PAH: variants seen among roughly 807,000 people sequenced by gnomAD.
PAH encodes the protein phenylalanine-4-hydroxylase.
In PAH, 64 loss-of-function variants were observed where a neutral mutation model predicts 62.0. That is an observed-to-expected ratio of 1.03 (90% CI 0.84 to 1.27). The LOEUF is 1.27. PAH is among the 50% of genes most tolerant of loss of function. The probability of loss-of-function intolerance (pLI) is 0.00; values close to 1 mark genes in which losing one functional copy is unlikely to be tolerated. For missense variants in PAH, 579 were observed against 542.8 expected (o/e 1.07, Z -0.66); for synonymous variants, 195 against 196.2 (o/e 0.99, Z 0.05).
intron 1 of PAH, among the ~76,000 whole-genome samples, chr12:102,927,556 A>T (rs1202078569): frequency 6.6e-6 from 1 of 152,168 alleles, no homozygotes; most frequent in East Asian, 1.9e-4. Flanking sequence ...ATGCACAAGT[A>T]TGTTCAGGGC....
chr12:102,898,077 C>T (rs1481938736), intron 2 of PAH, among the ~76,000 whole-genome samples: 3 of 152,228 alleles, frequency 2.0e-5, no homozygotes, highest in Admixed American at 6.5e-5. Flanking sequence ...AAGATTTCAA[C>T]CTGCAGTCAT....
rs5030855 is a variant in PAH at position 102,843,790 on chromosome 12, C to T, written c.1066-11G>A. The T allele has an allele frequency of 3.2e-4, 524 of 1,613,286 alleles. No individual in the cohort carries two copies. Among genetic ancestry groups the T allele is most frequent in the Middle Eastern group, 1.5e-3 (9 of 6,054 alleles). On this transcript the variant is annotated splice_polypyrimidine_tract_variant and intron_variant, in intron 10 of 12. Transcript: ENST00000553106. ...CTCTGATAAGCAGTACTGTAGGCCC[C>T]AAGTGAAAAGTTATTATCACTGTTA... is the stretch of plus-strand genomic sequence containing the variant.
At chr12:102,852,113 G>T in intron 7 of PAH, 1 of 280,514 alleles carries the variant, frequency 3.6e-6, no homozygotes, top group Non-Finnish European at 6.9e-6. Flanking sequence ...TCTTCTCCCT[G>T]GTATTGACTT....
intron 2 of PAH, among the ~76,000 whole-genome samples, chr12:102,901,742 A>G (rs1877769217): frequency 1.3e-5 from 2 of 152,182 alleles, no homozygotes; most frequent in Non-Finnish European, 2.9e-5. Flanking sequence ...GTCCTGGCCT[A>G]TTTCAGAGGT....
At chr12:102,894,239 A>G (rs904647032) in intron 3 of PAH, among the ~76,000 whole-genome samples, 3 of 152,120 alleles carry the variant, frequency 2.0e-5, no homozygotes, top group African/African-American at 7.2e-5. Flanking sequence ...GGTTTTGTTG[A>G]AAATTAGATA....
At chr12:102,890,462 CAA>C (rs770144811) in intron 3 of PAH, among the ~76,000 whole-genome samples, 27 of 152,146 alleles carry the variant, frequency 1.8e-4, no homozygotes, top group Non-Finnish European at 2.9e-4. Flanking sequence ...CACAGAAACC[CAA>C]AGAGTCTTTC....
At chr12:102,935,404 C>T (rs562303333) in intron 1 of PAH, among the ~76,000 whole-genome samples, 12 of 151,940 alleles carry the variant, frequency 7.9e-5, no homozygotes, top group African/African-American at 1.2e-4. Flanking sequence ...TAATAATGGC[C>T]TTGTAGAATG....
At chr12:102,852,659 C>A (rs781342149) in intron 7 of PAH, among the ~76,000 whole-genome samples, 156 bp downstream of exon 7, 23 of 152,142 alleles carry the variant, frequency 1.5e-4, no homozygotes, top group African/African-American at 2.2e-4. Flanking sequence ...TGGAGCAAAT[C>A]TCCAGAATAG....
intron 12 of PAH, 146 bp downstream of exon 12, chr12:102,840,254 C>T: frequency 1.5e-6 from 1 of 648,710 alleles, no homozygotes; most frequent in Non-Finnish European, 2.8e-6. Context: ...TCTTCTCCAT[C>T]AATGAACCCA....
At chr12:102,852,747 C>T (rs1290827125) in intron 7 of PAH, 68 bp downstream of exon 7, 6 of 1,605,392 alleles carry the variant, frequency 3.7e-6, no homozygotes, top group Admixed American at 1.7e-5. Flanking sequence ...ACCCAAACCT[C>T]ATTCTTGCAG....
At chr12:102,888,070 G>A (rs1877113635) in intron 3 of PAH, among the ~76,000 whole-genome samples, 2 of 152,128 alleles carry the variant, frequency 1.3e-5, no homozygotes, top group South Asian at 4.2e-4. Context: ...TTGGGAGTTT[G>A]GACTTGCTCA....
chr12:102,919,047 T>C (rs1878489967), upstream of PAH, among the ~76,000 whole-genome samples: 1 of 152,206 alleles, frequency 6.6e-6, no homozygotes, highest in Non-Finnish European at 1.5e-5. Context: ...TCCACGTGCA[T>C]GGTTTCACTT....
intron 8 of PAH, among the ~76,000 whole-genome samples, chr12:102,850,242 T>G (rs1875085415): frequency 6.6e-6 from 1 of 152,204 alleles, no homozygotes; most frequent in Admixed American, 6.5e-5. Flanking sequence ...CCCGAAACAC[T>G]TCCACTTCCA....
chr12:102,860,363 T>C (rs1315045684), intron 5 of PAH, among the ~76,000 whole-genome samples: 1 of 152,240 alleles, frequency 6.6e-6, no homozygotes, highest in African/African-American at 2.4e-5. Flanking sequence ...GAACATTCCA[T>C]GCTCATGGAC....
At chr12:102,847,572 T>C (rs1874908049) in intron 8 of PAH, among the ~76,000 whole-genome samples, 1 of 152,304 alleles carries the variant, frequency 6.6e-6, no homozygotes, top group Admixed American at 6.5e-5. Flanking sequence ...TGCCAGGCAG[T>C]GTATAAAATC....
At chr12:102,934,399 G>A (rs1300821244) in intron 1 of PAH, among the ~76,000 whole-genome samples, 1 of 149,228 alleles carries the variant, frequency 6.7e-6, no homozygotes, top group Non-Finnish European at 1.5e-5. Context: ...AATAGCTTTG[G>A]ATATTCTGGG....
chr12:102,949,425 C>T (rs920226445), intron 1 of PAH, among the ~76,000 whole-genome samples: 3 of 152,138 alleles, frequency 2.0e-5, no homozygotes, highest in Non-Finnish European at 4.4e-5. Context: ...ATGTGGTCCA[C>T]GCCTGTATTC....
intron 4 of PAH, among the ~76,000 whole-genome samples, chr12:102,872,738 C>A (rs141121455): frequency 6.6e-6 from 1 of 152,114 alleles, no homozygotes; most frequent in African/African-American, 2.4e-5. Context: ...GAGGCTGAGG[C>A]GAGCGGATCA....
chr12:102,900,894 CG>C (rs1877726009), intron 2 of PAH, among the ~76,000 whole-genome samples: 1 of 152,014 alleles, frequency 6.6e-6, no homozygotes, highest in Admixed American at 6.6e-5. Flanking sequence ...GTGGGCATCT[CG>C]GGGAAGGCAA....
Sources: allele counts gnomAD v4.1 joint callset (sites outside exome capture counted in the v4.1 genomes callset), GRCh38; gene constraint gnomAD v4.1.1; transcripts MANE v1.5; gene names NCBI Gene and HGNC (gene_info 2026-07-23, HGNC 2026-07-21).